Variants in ARHGEF4 observed in about 807,000 individuals in gnomAD.
ARHGEF4 encodes APC-stimulated guanine nucleotide exchange factor 1.
In ARHGEF4, 119 loss-of-function variants were observed where a neutral mutation model predicts 162.0. The ratio of observed to expected loss-of-function variants is 0.73; its 90% CI spans 0.63 to 0.86. The LOEUF is 0.86. Among genes scored for constraint, ARHGEF4 ranks in the 40% least tolerant of loss-of-function variants. The pLI, the probability that ARHGEF4 is intolerant of heterozygous loss-of-function variation, is 0.00. For missense variants in ARHGEF4, 2,488 were observed against 2,456.0 expected (o/e 1.01, Z -0.28); for synonymous variants, 1,014 against 979.9 (o/e 1.03, Z -0.65).
chr2:130,909,758 G>A (rs915580857), intron 1 of ARHGEF4, among the ~76,000 whole-genome samples: 15 of 152,140 alleles, frequency 9.9e-5, no homozygotes, highest in African/African-American at 1.9e-4. Context: ...AGGGCTGGGC[G>A]GGGTGGCAGC....
chr2:130,847,065 G>A (rs1681032736), intron 1 of ARHGEF4, among the ~76,000 whole-genome samples: 1 of 152,130 alleles, frequency 6.6e-6, no homozygotes. Flanking sequence ...ATGTGCGCGG[G>A]CTAAGAGCCC....
intron 1 of ARHGEF4, among the ~76,000 whole-genome samples, chr2:130,846,515 G>T (rs1226254492): frequency 6.6e-6 from 1 of 152,226 alleles, no homozygotes. Flanking sequence ...TGCCTGCGGG[G>T]GCTGTGACCC....
At chr2:130,959,144 G>C (rs923365208) in intron 4 of ARHGEF4, among the ~76,000 whole-genome samples, 1 of 152,020 alleles carries the variant, frequency 6.6e-6, no homozygotes, top group African/African-American at 2.4e-5. Flanking sequence ...GTTTCTCCAT[G>C]TTGGCCAGGC....
At chr2:130,897,507 C>G (rs1306989055) in intron 1 of ARHGEF4, among the ~76,000 whole-genome samples, 1 of 152,190 alleles carries the variant, frequency 6.6e-6, no homozygotes, top group African/African-American at 2.4e-5. Flanking sequence ...GGCGGGACAC[C>G]AGGGCCAACC....
At chr2:130,927,723 G>A (rs1336755314) in intron 2 of ARHGEF4, among the ~76,000 whole-genome samples, 1 of 152,164 alleles carries the variant, frequency 6.6e-6, no homozygotes, top group Admixed American at 6.5e-5. Context: ...AAAACCTAGG[G>A]AACTACCTGG....
At chr2:131,000,070 T>C (rs1486198085) in intron 4 of ARHGEF4, among the ~76,000 whole-genome samples, 1 of 152,278 alleles carries the variant, frequency 6.6e-6, no homozygotes, top group African/African-American at 2.4e-5. Context: ...TATTTAGGAA[T>C]TTCCATAATA....
At chr2:131,038,431 CGCCCAGCCTCTCCCTCCTGCAGCCTTGCA>C (rs1558887713) in intron 5 of ARHGEF4, among the ~76,000 whole-genome samples, 27 of 146,450 alleles carry the variant, frequency 1.8e-4, no homozygotes, top group South Asian at 1.5e-3. Context: ...AGCCTTGCAG[CGCCCAGCCTCTCCCTCCTGCAGCCTTGCA>C]GCCCAGCCTC....
chr2:131,006,465 A>G (rs1251030355), intron 4 of ARHGEF4, among the ~76,000 whole-genome samples: 1 of 152,242 alleles, frequency 6.6e-6, no homozygotes, highest in Non-Finnish European at 1.5e-5. Flanking sequence ...GCAGCGGCCC[A>G]GGAGCTGGCT....
intron 1 of ARHGEF4, among the ~76,000 whole-genome samples, chr2:130,878,131 GA>G (rs1574144581): frequency 6.6e-6 from 1 of 152,174 alleles, no homozygotes; most frequent in Non-Finnish European, 1.5e-5. Context: ...AAAAATTTAA[GA>G]GCGAAATCAT....
intron 10 of ARHGEF4, among the ~76,000 whole-genome samples, chr2:131,043,181 T>C (rs775419716): frequency 2.6e-5 from 4 of 152,266 alleles, no homozygotes; most frequent in Non-Finnish European, 5.9e-5. Flanking sequence ...TATCTTACAC[T>C]GACATCACAT....
chr2:130,928,844 T>G (rs1024003673), intron 2 of ARHGEF4, among the ~76,000 whole-genome samples: 1 of 152,160 alleles, frequency 6.6e-6, no homozygotes, highest in African/African-American at 2.4e-5. Flanking sequence ...CAAAGTCTGC[T>G]TTCTGGCCCC....
At chr2:130,972,424 T>C (rs544168073) in intron 4 of ARHGEF4, among the ~76,000 whole-genome samples, 5 of 152,308 alleles carry the variant, frequency 3.3e-5, no homozygotes, top group Non-Finnish European at 7.3e-5. Flanking sequence ...ACAGTCACCT[T>C]CTTGAGTTCA....
intron 4 of ARHGEF4, among the ~76,000 whole-genome samples, chr2:131,007,106 A>T (rs182740123): frequency 6.6e-6 from 1 of 152,260 alleles, no homozygotes; most frequent in Non-Finnish European, 1.5e-5. Context: ...GGCGTTTGTC[A>T]TGGAGACTGC....
intron 4 of ARHGEF4, among the ~76,000 whole-genome samples, chr2:130,976,792 C>T (rs1349730118): frequency 6.6e-6 from 1 of 152,178 alleles, no homozygotes; most frequent in African/African-American, 2.4e-5. Flanking sequence ...ACAGCCTCGC[C>T]TGCAGAGAGC....
intron 4 of ARHGEF4, among the ~76,000 whole-genome samples, chr2:131,012,532 G>C (rs1458618219): frequency 6.9e-6 from 1 of 145,660 alleles, no homozygotes; most frequent in East Asian, 2.0e-4. Context: ...TATTTCTAGA[G>C]CAAGAACCAA....
At chr2:130,984,365 C>T (rs776931518) in intron 4 of ARHGEF4, among the ~76,000 whole-genome samples, 19 of 152,132 alleles carry the variant, frequency 1.2e-4, no homozygotes, top group Non-Finnish European at 2.4e-4. Context: ...ACATTCCAAA[C>T]GATATTGTGG....
chr2:130,995,775 C>A (rs1028423268), intron 4 of ARHGEF4, among the ~76,000 whole-genome samples: 1 of 152,100 alleles, frequency 6.6e-6, no homozygotes, highest in African/African-American at 2.4e-5. Flanking sequence ...TTCTAGCTTA[C>A]AGCCATGCGT....
intron 10 of ARHGEF4, among the ~76,000 whole-genome samples, chr2:131,043,248 G>C (rs1372276823): frequency 1.3e-5 from 2 of 152,174 alleles, no homozygotes; most frequent in African/African-American, 4.8e-5. Context: ...GAGGCCACTG[G>C]TGACAGGGGG....
At chr2:130,849,382 T>G (rs1181225292) in intron 1 of ARHGEF4, among the ~76,000 whole-genome samples, 1 of 152,108 alleles carries the variant, frequency 6.6e-6, no homozygotes, top group Non-Finnish European at 1.5e-5. Flanking sequence ...TTGCTGCCCT[T>G]AGAGACAACC....
Sources: allele counts gnomAD v4.1 joint callset (sites outside exome capture counted in the v4.1 genomes callset), GRCh38; gene constraint gnomAD v4.1.1; transcripts MANE v1.5; gene names NCBI Gene and HGNC (gene_info 2026-07-23, HGNC 2026-07-21).